Variants in PARD3B observed in about 807,000 individuals in gnomAD.
The protein encoded by PARD3B is par-3 family cell polarity regulator beta, also known as partitioning defective 3 homolog B.
Under a neutral mutation model 130.2 loss-of-function variants are expected in PARD3B, and 103 were observed. The ratio of observed to expected loss-of-function variants is 0.79; its 90% CI spans 0.67 to 0.93. PARD3B has a LOEUF of 0.93. Among genes scored for constraint, PARD3B ranks in the 40% least tolerant of loss-of-function variants. PARD3B has a pLI of 0.00. For missense variants in PARD3B, 1,609 were observed against 1,499.2 expected (o/e 1.07, Z -1.21); for synonymous variants, 583 against 553.2 (o/e 1.05, Z -0.76).
At chr2:204,598,334 T>A (rs549415085) in intron 1 of PARD3B, among the ~76,000 whole-genome samples, 2 of 152,254 alleles carry the variant, frequency 1.3e-5, no homozygotes, top group Admixed American at 1.3e-4. Flanking sequence ...CTACTCATAA[T>A]CCCACTATCA....
At chr2:205,290,080 G>C (rs2041548752) in intron 16 of PARD3B, among the ~76,000 whole-genome samples, 1 of 152,364 alleles carries the variant, frequency 6.6e-6, no homozygotes, top group South Asian at 2.1e-4. Flanking sequence ...AGTAAATTAT[G>C]AGTGAATGCC....
chr2:205,227,047 T>C (rs1159680250), intron 15 of PARD3B, among the ~76,000 whole-genome samples: 1 of 150,004 alleles, frequency 6.7e-6, no homozygotes, highest in African/African-American at 2.5e-5. Context: ...ATACTCGATA[T>C]AATTTCAGGG....
chr2:204,835,065 T>C (rs1445077328), intron 2 of PARD3B, among the ~76,000 whole-genome samples: 1 of 152,234 alleles, frequency 6.6e-6, no homozygotes, highest in Non-Finnish European at 1.5e-5. Flanking sequence ...GATTCTTGCA[T>C]GTATCAAATA....
intron 19 of PARD3B, among the ~76,000 whole-genome samples, chr2:205,402,741 T>C (rs1436880947): frequency 1.3e-5 from 2 of 152,198 alleles, no homozygotes; most frequent in Admixed American, 6.5e-5. Flanking sequence ...TCTTAAAATA[T>C]GTCTGGTCAA....
intron 16 of PARD3B, chr2:205,293,797 G>T (rs1332371784): frequency 6.6e-6 from 1 of 152,128 alleles, no homozygotes; most frequent in African/African-American, 2.4e-5. Context: ...TGAAGAAAAG[G>T]GGCATCCCAG....
chr2:204,678,909 T>C lies in PARD3B; in HGVS notation c.121-7272T>C, dbSNP rs1446281149. On this transcript the variant is annotated intron_variant, in intron 1 of 22. Coordinates refer to ENST00000406610, the MANE Select transcript of PARD3B (RefSeq NM_001302769.2). The surrounding 1 kb of genome is among the most constrained non-coding windows in gnomAD (Gnocchi z 4.2). ...TATCGCTAACATACAGATCAAGAAATAGAACATTGCCCTAGAAGCCGCTTC... is the reference window on the plus strand; with the variant it reads ...TATCGCTAACATACAGATCAAGAAACAGAACATTGCCCTAGAAGCCGCTTC... 6.6e-6 allele frequency among the ~76,000 whole-genome samples: 1 copy of C among 152,120 alleles called. No individual in the cohort carries two copies. The highest frequency in any genetic ancestry group is 1.5e-5 in the Non-Finnish European group (1 of 68,030).
intron 21 of PARD3B, among the ~76,000 whole-genome samples, chr2:205,532,145 A>G (rs1407056706): frequency 6.6e-6 from 1 of 152,234 alleles, no homozygotes; most frequent in Admixed American, 6.5e-5. Context: ...AATTTATACA[A>G]AATTAATGTT....
intron 1 of PARD3B, among the ~76,000 whole-genome samples, chr2:204,594,284 A>G (rs1015843077): frequency 3.9e-5 from 6 of 152,190 alleles, no homozygotes; most frequent in Non-Finnish European, 1.5e-5. Flanking sequence ...TATCTATAAA[A>G]GCATCTGTTA....
chr2:205,514,993 C>A (rs1478550813), intron 21 of PARD3B, among the ~76,000 whole-genome samples: 1 of 152,046 alleles, frequency 6.6e-6, no homozygotes, highest in East Asian at 1.9e-4. Context: ...CTCCCCCGAC[C>A]TTCCACCCTC....
At position 204,734,698 on chromosome 2, in the gene PARD3B, G is replaced by T. The variant is rs1450050639; in HGVS notation, c.222+48416G>T. Among the ~76,000 whole-genome samples the T allele has an allele frequency of 2.0e-5, 3 of 152,262 alleles. No individual in the cohort carries two copies. The East Asian group carries it at 5.8e-4, about 29-fold the overall frequency. On this transcript the variant is annotated intron_variant, in intron 2 of 22. Coordinates refer to ENST00000406610, the MANE Select transcript of PARD3B (RefSeq NM_001302769.2). ...TTCCATTAAATGAAATTCTTAAAGA[G>T]CAAAACTGTAATGATACAAATTAGA...
chr2:204,564,265 A>G (rs984653311), intron 1 of PARD3B, among the ~76,000 whole-genome samples: 1 of 152,200 alleles, frequency 6.6e-6, no homozygotes, highest in Non-Finnish European at 1.5e-5. Context: ...AGAAAGCCAT[A>G]AGCAGGTGCC....
At chr2:204,934,212 A>G (rs1278133508) in intron 2 of PARD3B, among the ~76,000 whole-genome samples, 2 of 152,186 alleles carry the variant, frequency 1.3e-5, no homozygotes, top group Non-Finnish European at 2.9e-5. Context: ...CATGCTGTTA[A>G]TTACTTAATA....
intron 22 of PARD3B, among the ~76,000 whole-genome samples, chr2:205,613,399 G>A (rs190318740): frequency 3.7e-4 from 56 of 152,308 alleles, no homozygotes; most frequent in African/African-American, 1.3e-3. Flanking sequence ...AAATGAAAAT[G>A]AGCATGGTGA....
chr2:204,550,421 T>C (rs2030367171), intron 1 of PARD3B, among the ~76,000 whole-genome samples: 3 of 148,722 alleles, frequency 2.0e-5, no homozygotes, highest in African/African-American at 7.7e-5. Flanking sequence ...ACTGTGTGTG[T>C]GTGTGTGTGT....
intron 2 of PARD3B, among the ~76,000 whole-genome samples, chr2:204,918,191 A>G (rs961453940): frequency 3.3e-5 from 5 of 152,230 alleles, no homozygotes; most frequent in Admixed American, 6.5e-5. Context: ...TTCTCCTTTG[A>G]GGACATTCTT....
intron 20 of PARD3B, among the ~76,000 whole-genome samples, chr2:205,444,365 G>A (rs537585564): frequency 6.6e-6 from 1 of 152,248 alleles, no homozygotes; most frequent in South Asian, 2.1e-4. Flanking sequence ...GAGGTGGGAG[G>A]ATGGCTTGAG....
intron 2 of PARD3B, among the ~76,000 whole-genome samples, chr2:204,951,495 C>A (rs1689767216): frequency 6.6e-6 from 1 of 152,096 alleles, no homozygotes; most frequent in Non-Finnish European, 1.5e-5. Flanking sequence ...ACTTCTGTAG[C>A]CTGTTTATCT....
intron 4 of PARD3B, among the ~76,000 whole-genome samples, chr2:205,055,922 T>C (rs757340226): frequency 1.3e-5 from 2 of 152,170 alleles, no homozygotes; most frequent in African/African-American, 2.4e-5. Flanking sequence ...TGTGTACCCT[T>C]ACCCTCTTTG....
intron 21 of PARD3B, among the ~76,000 whole-genome samples, chr2:205,526,779 C>T (rs1407105315): frequency 1.3e-5 from 2 of 152,164 alleles, no homozygotes; most frequent in African/African-American, 4.8e-5. Flanking sequence ...ATAGTTAACG[C>T]TTAAGGTATG....
Sources: allele counts gnomAD v4.1 joint callset (sites outside exome capture counted in the v4.1 genomes callset), GRCh38; gene constraint gnomAD v4.1.1; non-coding constraint Gnocchi (gnomAD v3.1); transcripts MANE v1.5; gene names NCBI Gene and HGNC (gene_info 2026-07-23, HGNC 2026-07-21).